Variants in TCEA3 observed in about 807,000 individuals in gnomAD.
TCEA3 encodes the protein transcription elongation factor A protein 3.
A neutral mutation model predicts 44.0 loss-of-function variants in TCEA3; 36 were observed. That is an observed-to-expected ratio of 0.82 (90% confidence interval 0.63 to 1.08). The LOEUF (loss-of-function observed/expected upper bound fraction) is 1.08, where lower values mean the gene tolerates loss of function less well. Ranked by LOEUF, TCEA3 falls within the 50% of genes least tolerant of loss-of-function variation. TCEA3 has a pLI of 0.00. For missense variants in TCEA3, 392 were observed against 441.2 expected, an observed-to-expected ratio of 0.89 and a Z score of 1.00; for synonymous variants, 162 against 159.7, an observed-to-expected ratio of 1.01 and a Z score of -0.11.
intron 9 of TCEA3, among the ~76,000 whole-genome samples, chr1:23,386,766 G>A (rs533611556): frequency 3.9e-5 from 6 of 152,020 alleles, no homozygotes; most frequent in African/African-American, 1.4e-4. Flanking sequence ...TGTCGCCCAA[G>A]CTGGAGTGCA....
At chr1:23,387,053 G>C (rs1438335566) in intron 9 of TCEA3, among the ~76,000 whole-genome samples, 2 of 152,062 alleles carry the variant, frequency 1.3e-5, no homozygotes, top group African/African-American at 4.8e-5. Context: ...GGGTTTCACT[G>C]TGTTGGCCAG....
In TCEA3 at chr1:23,384,346, C is replaced by T; in HGVS notation, c.1038G>A (p.Lys346=). ...GGGGGAAATACATAAACATACAGAC[C>T]TTCCAGCGATTGCCACATTCATTGC... ...VLCNECGNRW[K]FC Residue 346 remains lysine, a splice_region_variant and synonymous_variant, in exon 10 of 11, where the codon AAG becomes AAA. Coordinates refer to ENST00000450454, the MANE Select transcript of TCEA3 (RefSeq NM_003196.3). The T allele has an allele frequency of 6.2e-7, 1 of 1,613,964 alleles. No individual in the cohort carries two copies. Among genetic ancestry groups the T allele is most frequent in the Non-Finnish European group, 8.5e-7 (1 of 1,179,870 alleles).
rs563445376 is a variant in TCEA3, at chr1:23,392,739, C to T, written c.819+1140G>A. Among the ~76,000 whole-genome samples the T allele has an allele frequency of 8.2e-3, 1,219 of 149,236 alleles. 20 individuals are homozygous for T. The highest frequency in any genetic ancestry group is 0.029 in the African/African-American group (1,163 of 40,480). On this transcript the variant is annotated intron_variant, in intron 8 of 10. Coordinates refer to ENST00000450454, the MANE Select transcript of TCEA3 (RefSeq NM_003196.3). ...CCACACACATATACTATACACCAAACACACCTCACACATCATACACACCAC... is the reference window on the plus strand; with the variant it reads ...CCACACACATATACTATACACCAAATACACCTCACACATCATACACACCAC...
At chr1:23,419,195 A>C in intron 1 of TCEA3, 56 bp from the exon 2 acceptor site, 2 of 1,388,296 alleles carry the variant, frequency 1.4e-6, no homozygotes, top group Non-Finnish European at 2.0e-6. Context: ...GGCTTCTCTG[A>C]CTATTGTGTG....
At chr1:23,415,288 G>A (rs916157866) in intron 4 of TCEA3, among the ~76,000 whole-genome samples, 1 of 152,104 alleles carries the variant, frequency 6.6e-6, no homozygotes, top group African/African-American at 2.4e-5. Flanking sequence ...CTCCCAAAGC[G>A]CTGGGATTAC....
chr1:23,402,547 G>A (rs1228165262), intron 5 of TCEA3, among the ~76,000 whole-genome samples: 1 of 152,084 alleles, frequency 6.6e-6, no homozygotes, highest in African/African-American at 2.4e-5. Flanking sequence ...TTCCTTCCTG[G>A]AATGCTCTTC....
intron 7 of TCEA3, among the ~76,000 whole-genome samples, chr1:23,394,351 G>T (rs1234402142): frequency 2.0e-5 from 3 of 152,082 alleles, no homozygotes. Context: ...ACCTCTACAC[G>T]CCTGAGTTTC....
At chr1:23,406,780 G>A (rs911263566) in intron 5 of TCEA3, among the ~76,000 whole-genome samples, 2 of 151,992 alleles carry the variant, frequency 1.3e-5, no homozygotes, top group African/African-American at 4.8e-5. Flanking sequence ...CTGCCACCAC[G>A]CCCACTAACT....
intron 8 of TCEA3, among the ~76,000 whole-genome samples, chr1:23,389,195 T>G (rs1438429657): frequency 2.0e-5 from 3 of 152,074 alleles, no homozygotes; most frequent in Admixed American, 6.6e-5. Context: ...CATTCAAAAT[T>G]TATTGGATGT....
chr1:23,404,083 G>C (rs1190955255), intron 5 of TCEA3: 2 of 702,122 alleles, frequency 2.8e-6, no homozygotes, highest in African/African-American at 3.5e-5. Flanking sequence ...GGTCTGAGTA[G>C]AGGCATCTGG....
rs1296324635 is a variant in TCEA3 at position 23,381,266 on chromosome 1, C to T, written c.*200G>A. ...CAATACAAATTCTCAGCATCATTCT[C>T]CAATTAGGCTCCCCCATTAACCAAT... is the stretch of plus-strand genomic sequence containing the variant. On this transcript the variant is annotated 3_prime_UTR_variant, in exon 11 of 11. Transcript: ENST00000450454. The T allele has an allele frequency of 3.4e-6, 2 of 595,798 alleles. No individual in the cohort carries two copies. The highest frequency in any genetic ancestry group is 3.7e-5 in the African/African-American group (2 of 53,464). 36.9% of individuals were successfully genotyped at this position (595,798 alleles called of 1,614,324 possible).
Position 23,408,669 on chromosome 1 carries a change from C to T in TCEA3, c.438G>A (p.Val146=), listed in dbSNP as rs199886227. The T allele has an allele frequency of 4.2e-5, 68 of 1,611,148 alleles. No individual in the cohort carries two copies. Among genetic ancestry groups the T allele is most frequent in the Non-Finnish European group, 5.3e-5 (62 of 1,178,894 alleles). The change falls in exon 5 of 11, where the codon GTG becomes GTA. Residue 146 remains valine, a synonymous_variant. Transcript: ENST00000450454. ...SASSSPKRPS[V]ERSNSSKSKA... Reference sequence around the variant, plus strand: ...AAAGCTGTGGTTTCCTTTACCTTTCCACCGATGGTCTTTTTGGAGAGGAGG... The same window carrying T: ...AAAGCTGTGGTTTCCTTTACCTTTCTACCGATGGTCTTTTTGGAGAGGAGG...
At chr1:23,407,898 G>A (rs771115885) in intron 5 of TCEA3, among the ~76,000 whole-genome samples, 3 of 152,102 alleles carry the variant, frequency 2.0e-5, no homozygotes, top group Non-Finnish European at 2.9e-5. Flanking sequence ...CAAATCCAGA[G>A]AGAGCCCATT....
intron 7 of TCEA3, among the ~76,000 whole-genome samples, chr1:23,395,396 C>T (rs987824756): frequency 6.6e-6 from 1 of 152,204 alleles, no homozygotes; most frequent in Non-Finnish European, 1.5e-5. Context: ...TAGCACAGGG[C>T]CACTCCAAAG....
intron 5 of TCEA3, chr1:23,403,952 T>G: frequency 1.7e-6 from 1 of 595,164 alleles, no homozygotes; most frequent in Non-Finnish European, 3.1e-6. Context: ...GCCTGGGAAC[T>G]GAGCCAAACT....
chr1:23,418,389 G>A (rs966341626), intron 2 of TCEA3: 4 of 198,820 alleles, frequency 2.0e-5, no homozygotes, highest in Non-Finnish European at 3.1e-5. Context: ...TCAGCTCACT[G>A]CAACCTCCAC....
At chr1:23,384,879 C>T (rs543559443) in intron 9 of TCEA3, among the ~76,000 whole-genome samples, 2 of 152,072 alleles carry the variant, frequency 1.3e-5, no homozygotes, top group South Asian at 4.2e-4. Context: ...TCTTTTGTAA[C>T]AGACCTCTCT....
chr1:23,415,106 C>T (rs1639851288), intron 4 of TCEA3, among the ~76,000 whole-genome samples: 2 of 144,842 alleles, frequency 1.4e-5, no homozygotes, highest in East Asian at 2.1e-4. Context: ...TCACTGCAAC[C>T]TCTGCTCCCG....
chr1:23,388,346 T>A (rs1052211761), intron 8 of TCEA3, among the ~76,000 whole-genome samples: 1 of 151,428 alleles, frequency 6.6e-6, no homozygotes, highest in Non-Finnish European at 1.5e-5. Context: ...TACAGGCTCA[T>A]GCCACCACAC....
Sources: allele counts gnomAD v4.1 joint callset (sites outside exome capture counted in the v4.1 genomes callset), GRCh38; gene constraint gnomAD v4.1.1; transcripts MANE v1.5; gene names NCBI Gene and HGNC (gene_info 2026-07-23, HGNC 2026-07-21).